PTPN12: variants seen among roughly 807,000 people sequenced by gnomAD.
The protein encoded by PTPN12 is tyrosine-protein phosphatase non-receptor type 12.
Under a neutral mutation model 97.6 loss-of-function variants are expected in PTPN12, and 29 were observed. The ratio of observed to expected loss-of-function variants is 0.30; its 90% CI spans 0.22 to 0.41. The LOEUF is 0.41. PTPN12 is among the 10% of genes least tolerant of loss of function. The pLI is 1.00. For missense variants in PTPN12, 819 were observed against 926.0 expected (o/e 0.88, Z 1.50); for synonymous variants, 327 against 300.4 (o/e 1.09, Z -0.91).
chr7:77,562,484 C>T (rs1808047569), intron 1 of PTPN12, among the ~76,000 whole-genome samples: 1 of 152,132 alleles, frequency 6.6e-6, no homozygotes, highest in Non-Finnish European at 1.5e-5. Context: ...ATTGTGTTTT[C>T]TTAAATCAGA....
At chr7:77,618,161 G>C (rs540315222) in intron 11 of PTPN12, among the ~76,000 whole-genome samples, 2 of 151,950 alleles carry the variant, frequency 1.3e-5, no homozygotes, top group South Asian at 2.1e-4. Context: ...ATGGCGGGGC[G>C]GGGGGATACT....
At chr7:77,630,536 GGTAA>G (rs1429529305) in intron 13 of PTPN12, among the ~76,000 whole-genome samples, 4 of 152,094 alleles carry the variant, frequency 2.6e-5, no homozygotes, top group African/African-American at 9.7e-5. Context: ...GTAACACAAT[GGTAA>G]GTATTTGTGT....
chr7:77,569,862 A>G (rs1369267796), intron 1 of PTPN12, among the ~76,000 whole-genome samples: 1 of 152,198 alleles, frequency 6.6e-6, no homozygotes, highest in African/African-American at 2.4e-5. Context: ...AAGTTGTAGA[A>G]GTACAATTCA....
At chr7:77,629,842 G>T (rs576594246) in intron 13 of PTPN12, among the ~76,000 whole-genome samples, 64 of 151,642 alleles carry the variant, frequency 4.2e-4, no homozygotes, top group African/African-American at 8.9e-4. Flanking sequence ...TCTGGAGGCT[G>T]AGGTAGGAAG....
At chr7:77,617,559 A>G (rs1788794557) in intron 11 of PTPN12, among the ~76,000 whole-genome samples, 2 of 152,146 alleles carry the variant, frequency 1.3e-5, no homozygotes, top group South Asian at 2.1e-4. Flanking sequence ...AACAATGATA[A>G]CAAAACAAAA....
intron 1 of PTPN12, among the ~76,000 whole-genome samples, chr7:77,563,205 C>G (rs569594447): frequency 1.8e-4 from 28 of 152,250 alleles, no homozygotes; most frequent in African/African-American, 6.7e-4. Context: ...TAAAGCTGCC[C>G]TATTGTGAAG....
At chr7:77,622,652 T>C (rs774289605) in intron 12 of PTPN12, among the ~76,000 whole-genome samples, 15 of 144,592 alleles carry the variant, frequency 1.0e-4, no homozygotes, top group Non-Finnish European at 1.9e-4. Flanking sequence ...GTGCCTGTAG[T>C]CCCAGCTACT....
chr7:77,556,780 A>G (rs189403623), intron 1 of PTPN12, among the ~76,000 whole-genome samples: 130 of 152,220 alleles, frequency 8.5e-4, no homozygotes, highest in South Asian at 2.5e-3. Context: ...CAGTGATCCG[A>G]GACCGCACCA....
intron 11 of PTPN12, 97 bp from the exon 12 acceptor site, chr7:77,618,383 T>C: frequency 1.2e-6 from 1 of 815,546 alleles, no homozygotes; most frequent in Non-Finnish European, 1.9e-6. Flanking sequence ...ATTGGCATTG[T>C]TTAAGGATTG....
intron 2 of PTPN12, 60 bp from the exon 3 acceptor site, chr7:77,581,367 G>T: frequency 8.8e-7 from 1 of 1,134,670 alleles, no homozygotes; most frequent in Non-Finnish European, 1.3e-6. Flanking sequence ...CCTTACTTAC[G>T]CTTCATTAGA....
At position 77,537,299 on chromosome 7, in the gene PTPN12, G is replaced by GC. The variant is rs141004273; in HGVS notation, c.-247dup. The GC allele has an allele frequency of 1, 400,112 of 400,202 alleles. 200,016 individuals carry two copies. The highest frequency in any genetic ancestry group is 1 in the Non-Finnish European group (235,395 of 235,434). The allele number at this position is 400,202 out of a possible 1,614,324, so 24.8% of individuals were successfully genotyped here. On this transcript the variant is annotated 5_prime_UTR_variant, in exon 1 of 18. Coordinates refer to ENST00000248594, the MANE Select transcript of PTPN12 (RefSeq NM_002835.4). Reference sequence around the variant, plus strand: ...AAGCTGGGGGTTGGGGTTGGCGCTAGCGCAGCGGCTCGCCTGGTACTGTGG... The same window carrying GC: ...AAGCTGGGGGTTGGGGTTGGCGCTAGCCGCAGCGGCTCGCCTGGTACTGTGG...
intron 16 of PTPN12, among the ~76,000 whole-genome samples, chr7:77,637,876 A>AAAAG (rs1562769115): frequency 6.7e-6 from 1 of 149,666 alleles, no homozygotes; most frequent in Non-Finnish European, 1.5e-5. Context: ...AAAAAAAAAA[A>AAAAG]CAAGTAGAGT....
chr7:77,627,327 T>A lies in PTPN12; in HGVS notation c.1648T>A (p.Leu550Ile). The A allele has an allele frequency of 6.2e-7, 1 of 1,614,164 alleles. No individual in the cohort carries two copies. Among genetic ancestry groups the A allele is most frequent in the Non-Finnish European group, 8.5e-7 (1 of 1,180,022 alleles). ...GPENAIPIPD[L>I]SEGNSSDINY... ...TGAAAATGCCATACCCATACCTGAT[T>A]TATCTGAAGGCAATTCCTCAGATAT... Residue 550 changes from leucine to isoleucine, a missense_variant, in exon 13 of 18, where the codon TTA (leucine) becomes ATA (isoleucine). Coordinates refer to ENST00000248594, the MANE Select transcript of PTPN12 (RefSeq NM_002835.4).
Position 77,583,609 on chromosome 7 carries a change from G to A in PTPN12, c.340G>A (p.Val114Ile), listed in dbSNP as rs1398868107. The change falls in exon 4 of 18, where the codon GTA becomes ATA. Residue 114 changes from valine to isoleucine, a missense_variant. Around this residue, in one of 5 missense-constraint regions of PTPN12, gnomAD observed 66 missense variants for 133.6 expected, o/e 0.49. Coordinates refer to ENST00000248594, the MANE Select transcript of PTPN12 (RefSeq NM_002835.4). The part of the protein sequence containing the change: ...VATQGPLANT[V>I]IDFWRMIWEY... ...AACTCAAGGACCTTTAGCAAATACA[G>A]TAATAGATTTTTGGAGGATGATATG... 1.9e-6 allele frequency: 3 copies of A among 1,611,302 alleles called. No homozygotes were observed. The highest frequency in any genetic ancestry group is 8.5e-7 in the Non-Finnish European group (1 of 1,178,674).
At chr7:77,590,386 A>T (rs1042495029) in intron 5 of PTPN12, among the ~76,000 whole-genome samples, 1 of 152,114 alleles carries the variant, frequency 6.6e-6, no homozygotes, top group African/African-American at 2.4e-5. Context: ...GTAAAAGATT[A>T]AAAAAATGTT....
intron 5 of PTPN12, among the ~76,000 whole-genome samples, chr7:77,587,039 A>C (rs1011282913): frequency 6.6e-6 from 1 of 152,044 alleles, no homozygotes; most frequent in African/African-American, 2.4e-5. Context: ...AGTTATCACG[A>C]GGGTTGGAAT....
In PTPN12 at chr7:77,573,091, A is replaced by AAAAAC. The variant is rs1787207920; in HGVS notation, c.208+1909_208+1910insCAAAA. Among the ~76,000 whole-genome samples the AAAAAC allele has an allele frequency of 2.7e-5, 3 of 109,526 alleles. 1 individual carries two copies. The South Asian group carries it at 1.0e-3, about 37-fold the overall frequency. The allele number at this position is 109,526 out of a possible 152,430, so 71.9% of individuals were successfully genotyped here. A position where few individuals can be genotyped will look rare whatever the true frequency, so the allele number is the denominator to read the frequency against. On this transcript the variant is annotated intron_variant, in intron 2 of 17. Coordinates refer to ENST00000248594, the MANE Select transcript of PTPN12 (RefSeq NM_002835.4). ...GAGTAAGACTCTATCTCAAAAAAAA[A>AAAAAC]AAAAACAAAAAAACAAAAAAAACCA...
At chr7:77,538,769 G>T (rs1806801624) in intron 1 of PTPN12, 1 of 151,810 alleles carries the variant, frequency 6.6e-6, no homozygotes, top group Admixed American at 6.6e-5. Flanking sequence ...CTCTAGGGTT[G>T]TTTCCCGGCT....
chr7:77,584,421 G>T (rs890099523), intron 4 of PTPN12, among the ~76,000 whole-genome samples: 13 of 152,174 alleles, frequency 8.5e-5, no homozygotes, highest in African/African-American at 1.4e-4. Context: ...AGAGCATGAA[G>T]AAACTTTCTG....
Sources: allele counts gnomAD v4.1 joint callset (sites outside exome capture counted in the v4.1 genomes callset), GRCh38; gene constraint gnomAD v4.1.1; regional missense constraint gnomAD v4.1.1; transcripts MANE v1.5; gene names NCBI Gene and HGNC (gene_info 2026-07-23, HGNC 2026-07-21).